The following ADAMTS10 variants were observed in gnomAD, a reference collection of about 807,000 sequenced individuals.
ADAMTS10 encodes A disintegrin and metalloproteinase with thrombospondin motifs 10.
Under a neutral mutation model 135.9 loss-of-function variants are expected in ADAMTS10, and 48 were observed. The ratio of observed to expected loss-of-function variants is 0.35; its 90% CI spans 0.28 to 0.45. The LOEUF is 0.45. Among genes scored for constraint, ADAMTS10 ranks in the 20% least tolerant of loss-of-function variants. ADAMTS10 has a pLI of 1.00. For synonymous variants in ADAMTS10, 621 were observed against 647.5 expected (o/e 0.96, Z 0.62); for missense variants, 1,131 against 1,565.2 (o/e 0.72, Z 4.68).
Position 8,605,522 on chromosome 19 carries a change from T to TTG in ADAMTS10, c.88+100_88+101insCA. 1 of 1,456,498 alleles carries TTG rather than the reference T, an allele frequency of 6.9e-7. No homozygotes were observed. The highest frequency in any genetic ancestry group is 9.4e-7 in the Non-Finnish European group (1 of 1,067,744). The allele number at this position is 1,456,498 out of a possible 1,614,324, so 90.2% of individuals were successfully genotyped here. Reference sequence around the variant, plus strand: ...TATTGACCCCAGGGCCTTCCCCCATTGACCCCCATCCCAGCCCCCTGATGC... The same window carrying TTG: ...TATTGACCCCAGGGCCTTCCCCCATTTGGACCCCCATCCCAGCCCCCTGATGC... On this transcript the variant is annotated intron_variant, in intron 3 of 25. Transcript: ENST00000597188. The surrounding 1 kb of genome is among the most constrained non-coding windows in gnomAD (Gnocchi z 7.7).
At chr19:8,595,734 G>T in intron 12 of ADAMTS10, 28 bp downstream of exon 12, 1 of 1,252,546 alleles carries the variant, frequency 8.0e-7, no homozygotes, top group Non-Finnish European at 1.1e-6. Flanking sequence ...TCCCCTCCCA[G>T]GAAGGAAAGC....
intron 13 of ADAMTS10, 110 bp from the exon 14 acceptor site, chr19:8,592,213 T>TG (rs367860275): frequency 2.2e-5 from 35 of 1,563,524 alleles, no homozygotes; most frequent in East Asian, 4.7e-5. Context: ...CTCTCCGGGA[T>TG]GGGCAGAGGC....
At chr19:8,608,747 T>C (rs1269653454) in intron 1 of ADAMTS10, among the ~76,000 whole-genome samples, 1 of 152,036 alleles carries the variant, frequency 6.6e-6, no homozygotes, top group Non-Finnish European at 1.5e-5. Flanking sequence ...CTCATCACTG[T>C]CCTCTGAAGT....
intron 2 of ADAMTS10, among the ~76,000 whole-genome samples, chr19:8,607,886 C>G (rs201712165): frequency 2.2e-5 from 2 of 92,332 alleles, no homozygotes; most frequent in East Asian, 6.1e-4. Flanking sequence ...TCTCTGCTCA[C>G]TGCAACCTCT....
At position 8,580,829 on chromosome 19, in the gene ADAMTS10, C is replaced by T. The variant is rs1248177198; in HGVS notation, c.*64G>A. On this transcript the variant is annotated 3_prime_UTR_variant, in exon 26 of 26. Coordinates refer to ENST00000597188, the MANE Select transcript of ADAMTS10 (RefSeq NM_030957.4). Reference sequence around the variant, plus strand: ...CCCGCCCCCCCGGGGCCCCCTCTGGCCGGCCCGCTGCAGGGCTGGCGGCGG... The same window carrying T: ...CCCGCCCCCCCGGGGCCCCCTCTGGTCGGCCCGCTGCAGGGCTGGCGGCGG... 11 of 1,398,222 alleles carry T rather than the reference C, an allele frequency of 7.9e-6. No individual in the cohort carries two copies. Among genetic ancestry groups the T allele is most frequent in the Non-Finnish European group, 8.9e-6 (9 of 1,016,574 alleles). The allele number at this position is 1,398,222 out of a possible 1,614,324, so 86.6% of individuals were successfully genotyped here. A position where few individuals can be genotyped will look rare whatever the true frequency, so the allele number is the denominator to read the frequency against.
chr19:8,586,371 T>A lies in ADAMTS10; in HGVS notation c.2503A>T (p.Thr835Ser). 6.2e-7 allele frequency: 1 copy of A among 1,613,682 alleles called. No homozygotes were observed. The highest frequency in any genetic ancestry group is 1.1e-5 in the South Asian group (1 of 91,072). ...CCTGCACACTGGGCCGAGCACTTGG[T>A]CCAGGGCGCATAGTGCCAGGAGTAG... ...PPYSWHYAPWTKCSAQCAGGS... is the reference protein window; with the variant it reads ...PPYSWHYAPWSKCSAQCAGGS... Residue 835 changes from threonine (T) to serine (S), a missense_variant, in exon 21 of 26, where the codon ACC (threonine) becomes TCC (serine). Physicochemically the swap from Thr to Ser is moderately conservative, Grantham distance 58. This residue lies in a region of ADAMTS10 where 745 missense variants were observed against 1,056.3 expected (regional missense o/e 0.71). Coordinates refer to ENST00000597188, the MANE Select transcript of ADAMTS10 (RefSeq NM_030957.4).
intron 4 of ADAMTS10, 25 bp from the exon 5 acceptor site, chr19:8,603,909 A>G (rs1331001844): frequency 6.3e-7 from 1 of 1,589,186 alleles, no homozygotes; most frequent in Non-Finnish European, 8.6e-7. Context: ...GTGGGATAGA[A>G]AGCTCTCAGG....
intron 25 of ADAMTS10, among the ~76,000 whole-genome samples, chr19:8,584,026 G>A (rs1409102374): frequency 2.0e-5 from 3 of 149,422 alleles, no homozygotes; most frequent in Non-Finnish European, 3.0e-5. Flanking sequence ...GTGTGGTGGC[G>A]GGCACCTGTA....
At position 8,580,604 on chromosome 19, in the gene ADAMTS10, T is replaced by G; in HGVS notation, c.*289A>C. On this transcript the variant is annotated 3_prime_UTR_variant, in exon 26 of 26. Coordinates refer to ENST00000597188, the MANE Select transcript of ADAMTS10 (RefSeq NM_030957.4). ...GTGTTGGGGACTCCCTAAGGGTGGG[T>G]TCAAAGGGTGCTGGGGTGAACAGCT... is the stretch of plus-strand genomic sequence containing the variant. The G allele has an allele frequency of 2.5e-6, 1 of 406,842 alleles. No homozygotes were observed. Among genetic ancestry groups the G allele is most frequent in the East Asian group, 5.3e-5 (1 of 18,850 alleles). The allele number at this position is 406,842 out of a possible 1,614,324, so 25.2% of individuals were successfully genotyped here.
chr19:8,592,457 T>C (rs888804631), intron 13 of ADAMTS10, among the ~76,000 whole-genome samples: 1 of 143,730 alleles, frequency 7.0e-6, no homozygotes, highest in Non-Finnish European at 1.5e-5. Context: ...GCGTGGCCAA[T>C]GAGGGAGAGA....
chr19:8,588,860 C>T (rs1338732723), intron 18 of ADAMTS10, among the ~76,000 whole-genome samples: 3 of 151,062 alleles, frequency 2.0e-5, no homozygotes, highest in Non-Finnish European at 3.0e-5. Flanking sequence ...GGTGTGATCT[C>T]GGCTCACTGC....
chr19:8,607,032 G>A (rs1312958628), intron 2 of ADAMTS10, among the ~76,000 whole-genome samples: 6 of 152,138 alleles, frequency 3.9e-5, no homozygotes, highest in African/African-American at 1.4e-4. Flanking sequence ...AGGTTGGGTA[G>A]AGCCTGGCAT....
At chr19:8,603,527 G>T (rs554771736) in intron 5 of ADAMTS10, among the ~76,000 whole-genome samples, 2 of 152,244 alleles carry the variant, frequency 1.3e-5, no homozygotes, top group African/African-American at 4.8e-5. Flanking sequence ...GCCCACCTCG[G>T]CCTCCCAAGG....
chr19:8,584,988 C>A lies in ADAMTS10; in HGVS notation c.3109G>T (p.Ala1037Ser). The A allele has an allele frequency of 6.5e-7, 1 of 1,544,218 alleles. No homozygotes were observed. The highest frequency in any genetic ancestry group is 8.7e-7 in the Non-Finnish European group (1 of 1,145,662). The part of the protein sequence containing the change: ...SVRCTSHTGQ[A>S]SHECTEALRP... Reference sequence around the variant, plus strand: ...AGGGCCTCCGTGCACTCGTGCGACGCCTGGCCCGTGTGGCTGGTGCAGCGC... The same window carrying A: ...AGGGCCTCCGTGCACTCGTGCGACGACTGGCCCGTGTGGCTGGTGCAGCGC... Residue 1037 changes from alanine (A) to serine (S), a missense_variant, in exon 25 of 26, where the codon GCG becomes TCG. Physicochemically the swap from Ala to Ser is moderately conservative, Grantham distance 99 (BLOSUM62 1). This residue lies in a region of ADAMTS10 where 745 missense variants were observed against 1,056.3 expected (regional missense o/e 0.71). Transcript: ENST00000597188.
intron 6 of ADAMTS10, among the ~76,000 whole-genome samples, chr19:8,598,227 C>A (rs1258091958): frequency 1.3e-5 from 2 of 152,200 alleles, no homozygotes; most frequent in Non-Finnish European, 2.9e-5. Flanking sequence ...AGACTCAAGT[C>A]TGGATTGCTT....
chr19:8,605,746 G>A lies in ADAMTS10; in HGVS notation c.-36C>T, dbSNP rs781798623. 7.6e-6 allele frequency: 12 copies of A among 1,573,934 alleles called. No homozygotes were observed. The highest frequency in any genetic ancestry group is 1.8e-5 in the Admixed American group (1 of 54,588). ...TGTCCACATGTCTCTCCCCAGCCCCGGCTGCCGGCAGCCCCCACAGTGCCG... is the reference window on the plus strand; with the variant it reads ...TGTCCACATGTCTCTCCCCAGCCCCAGCTGCCGGCAGCCCCCACAGTGCCG... On this transcript the variant is annotated 5_prime_UTR_variant, in exon 3 of 26. Coordinates refer to ENST00000597188, the MANE Select transcript of ADAMTS10 (RefSeq NM_030957.4). This position sits in a 1 kb window ranked among gnomAD's most constrained non-coding sequence, Gnocchi z 7.7.
intron 6 of ADAMTS10, among the ~76,000 whole-genome samples, chr19:8,598,863 C>CCATGCTCTGCTAATTTTTAAATGTT (rs2042633997): frequency 1.3e-5 from 2 of 152,094 alleles, no homozygotes; most frequent in African/African-American, 4.8e-5. Flanking sequence ...GCGTGAGCCA[C>CCATGCTCTGCTAATTTTTAAATGTT]TGCACCGGGC....
At position 8,586,379 on chromosome 19, in the gene ADAMTS10, G is replaced by A. The variant is rs781957043; in HGVS notation, c.2495C>T (p.Ala832Val). ...DSLPPYSWHY[A>V]PWTKCSAQCA... is the part of the protein sequence containing the mutation. ...CTGGGCCGAGCACTTGGTCCAGGGCGCATAGTGCCAGGAGTAGGGGGGCAG... is the reference window on the plus strand; with the variant it reads ...CTGGGCCGAGCACTTGGTCCAGGGCACATAGTGCCAGGAGTAGGGGGGCAG... The change falls in exon 21 of 26, where the codon GCG (alanine) becomes GTG (valine). Residue 832 changes from alanine (A) to valine (V), a missense_variant. Physicochemically the swap from Ala to Val is moderately conservative, Grantham distance 64. Transcript: ENST00000597188. 1.2e-6 allele frequency: 2 copies of A among 1,613,808 alleles called. No homozygotes were observed. The highest frequency in any genetic ancestry group is 1.7e-5 in the Admixed American group (1 of 60,000).
chr19:8,588,378 G>T (rs2042468693), intron 18 of ADAMTS10, among the ~76,000 whole-genome samples: 1 of 151,922 alleles, frequency 6.6e-6, no homozygotes. Flanking sequence ...GAGCCACCGT[G>T]CCTGTCTCAC....
Sources: allele counts gnomAD v4.1 joint callset (sites outside exome capture counted in the v4.1 genomes callset), GRCh38; gene constraint gnomAD v4.1.1; regional missense constraint gnomAD v4.1.1; non-coding constraint Gnocchi (gnomAD v3.1); transcripts MANE v1.5; gene names NCBI Gene and HGNC (gene_info 2026-07-23, HGNC 2026-07-21).